The following CHRM3 variants were observed in gnomAD, a reference collection of about 807,000 sequenced individuals.
The protein encoded by CHRM3 is muscarinic acetylcholine receptor M3.
In CHRM3, 11 loss-of-function variants were observed where a neutral mutation model predicts 41.8. The ratio of observed to expected loss-of-function variants is 0.26; its 90% confidence interval spans 0.17 to 0.44. CHRM3 has a LOEUF of 0.44. Ranked by LOEUF, CHRM3 falls within the 20% of genes least tolerant of loss-of-function variation. The pLI is 1.00. For missense variants in CHRM3, 571 were observed against 745.4 expected, an observed-to-expected ratio of 0.77 and a Z score of 2.72; for synonymous variants, 297 against 301.4, an observed-to-expected ratio of 0.99 and a Z score of 0.15.
intron 4 of CHRM3, among the ~76,000 whole-genome samples, chr1:239,677,125 T>C (rs939784141): frequency 5.3e-5 from 8 of 152,154 alleles, no homozygotes; most frequent in Non-Finnish European, 8.8e-5. Flanking sequence ...GTCACCCTCT[T>C]ACCTAACTCT....
intron 5 of CHRM3, among the ~76,000 whole-genome samples, chr1:239,713,007 C>T (rs1661966136): frequency 6.6e-6 from 1 of 152,136 alleles, no homozygotes; most frequent in South Asian, 2.1e-4. Flanking sequence ...GACACAGGGC[C>T]AGAAGCCAGC....
Position 239,603,077 on chromosome 1 carries a change from C to T in CHRM3, c.-312-29147C>T, listed in dbSNP as rs189608535. On this transcript the variant is annotated intron_variant, in intron 3 of 6. Transcript: ENST00000676153. ...CTTTCTGTTTCTAAGAGTTCAACTG[C>T]TCTAGATACTTCATATAAGTGGAAT... Among the ~76,000 whole-genome samples, 686 of 137,224 alleles carry T rather than the reference C, an allele frequency of 5.0e-3. 4 individuals carry two copies. The highest frequency in any genetic ancestry group is 0.038 in the Middle Eastern group (10 of 262). 90.0% of individuals were successfully genotyped at this position (137,224 alleles called of 152,430 possible).
At chr1:239,711,205 A>C (rs1032668475) in intron 5 of CHRM3, among the ~76,000 whole-genome samples, 3 of 152,108 alleles carry the variant, frequency 2.0e-5, no homozygotes, top group African/African-American at 7.2e-5. Context: ...TTTTGGGGTC[A>C]TGCATGGATT....
At chr1:239,615,568 C>G (rs1572938686) in intron 3 of CHRM3, among the ~76,000 whole-genome samples, 1 of 152,252 alleles carries the variant, frequency 6.6e-6, no homozygotes, top group East Asian at 1.9e-4. Flanking sequence ...AACTATACAA[C>G]TTTGATAGAT....
intron 3 of CHRM3, among the ~76,000 whole-genome samples, chr1:239,574,013 G>A (rs1662091076): frequency 6.6e-6 from 1 of 152,060 alleles, no homozygotes; most frequent in Non-Finnish European, 1.5e-5. Context: ...TCTTTGCCCT[G>A]TACAAGGATG....
At chr1:239,413,945 G>C (rs1338461945) in intron 1 of CHRM3, among the ~76,000 whole-genome samples, 1 of 152,298 alleles carries the variant, frequency 6.6e-6, no homozygotes, top group African/African-American at 2.4e-5. Context: ...TAAATCATTT[G>C]TAAGATATCG....
At chr1:239,526,101 A>G (rs1023060922) in intron 2 of CHRM3, among the ~76,000 whole-genome samples, 2 of 152,170 alleles carry the variant, frequency 1.3e-5, no homozygotes, top group Non-Finnish European at 2.9e-5. Flanking sequence ...ATATGGGGCA[A>G]TCGGAATTAA....
chr1:239,866,087 G>A (rs1317322049), intron 6 of CHRM3, among the ~76,000 whole-genome samples: 1 of 152,108 alleles, frequency 6.6e-6, no homozygotes, highest in African/African-American at 2.4e-5. Context: ...TGATTAAAAA[G>A]CTTGCCCAGG....
intron 6 of CHRM3, among the ~76,000 whole-genome samples, chr1:239,839,971 T>C (rs542266416): frequency 3.9e-5 from 6 of 152,288 alleles, no homozygotes; most frequent in Non-Finnish European, 7.4e-5. Context: ...CAGGCCTCAG[T>C]TGTTGAGTTG....
At chr1:239,789,946 C>G (rs190730620) in intron 5 of CHRM3, among the ~76,000 whole-genome samples, 223 of 152,262 alleles carry the variant, frequency 1.5e-3, no homozygotes, top group Non-Finnish European at 2.4e-3. Context: ...GAAAGGAGAT[C>G]ATTTTGGAGC....
intron 3 of CHRM3, among the ~76,000 whole-genome samples, chr1:239,553,798 A>G (rs1660090357): frequency 6.6e-6 from 1 of 152,184 alleles, no homozygotes; most frequent in African/African-American, 2.4e-5. Context: ...CCCTTTAGAT[A>G]TCCCCTCAAC....
chr1:239,838,539 G>T (rs1022628210), intron 6 of CHRM3, among the ~76,000 whole-genome samples: 2 of 152,140 alleles, frequency 1.3e-5, no homozygotes, highest in African/African-American at 4.8e-5. Flanking sequence ...GCCATATTTT[G>T]TGTGCAAATG....
chr1:239,777,938 T>C (rs184157257), intron 5 of CHRM3, among the ~76,000 whole-genome samples: 1 of 152,010 alleles, frequency 6.6e-6, no homozygotes. Context: ...TATAATGGAC[T>C]ATGGGGACTC....
In CHRM3 at chr1:239,912,532, C is replaced by T. The variant is rs556853766; in HGVS notation, c.*3308C>T. The T allele has an allele frequency of 1.2e-5, 2 of 167,206 alleles. No individual in the cohort carries two copies. Among genetic ancestry groups the T allele is most frequent in the African/African-American group, 4.8e-5 (2 of 41,570 alleles). 10.4% of individuals were successfully genotyped at this position (167,206 alleles called of 1,614,324 possible). ...TCTGTCAGGCTTCCTACGTTGCCCTCGTGCAGGGCTCATTGCTCTGCAGAG... is the reference window on the plus strand; with the variant it reads ...TCTGTCAGGCTTCCTACGTTGCCCTTGTGCAGGGCTCATTGCTCTGCAGAG... On this transcript the variant is annotated 3_prime_UTR_variant, in exon 7 of 7. Transcript: ENST00000676153.
At chr1:239,575,116 G>C (rs1461131883) in intron 3 of CHRM3, among the ~76,000 whole-genome samples, 1 of 152,212 alleles carries the variant, frequency 6.6e-6, no homozygotes, top group Non-Finnish European at 1.5e-5. Flanking sequence ...ATAAGGATTA[G>C]AGGATTTAAA....
At chr1:239,843,416 T>TTC (rs1056205319) in intron 6 of CHRM3, among the ~76,000 whole-genome samples, 1 of 151,052 alleles carries the variant, frequency 6.6e-6, no homozygotes, top group African/African-American at 2.4e-5. Flanking sequence ...CTCAGTTGCA[T>TTC]TCTCTCTCTC....
intron 5 of CHRM3, among the ~76,000 whole-genome samples, chr1:239,737,980 G>C (rs553566696): frequency 6.6e-6 from 1 of 151,930 alleles, no homozygotes; most frequent in Admixed American, 6.6e-5. Flanking sequence ...TACCAACCTG[G>C]GAATGAGAAT....
chr1:239,880,161 A>G (rs748210129), intron 6 of CHRM3, among the ~76,000 whole-genome samples: 1 of 152,224 alleles, frequency 6.6e-6, no homozygotes, highest in Non-Finnish European at 1.5e-5. Context: ...GGGGGTAAGG[A>G]AAGTGTGGGA....
chr1:239,546,625 A>G (rs940494160), intron 3 of CHRM3: 3 of 152,172 alleles, frequency 2.0e-5, no homozygotes, highest in African/African-American at 7.2e-5. Context: ...AATTATGTTT[A>G]AATGATATAT....
Sources: allele counts gnomAD v4.1 joint callset (sites outside exome capture counted in the v4.1 genomes callset), GRCh38; gene constraint gnomAD v4.1.1; transcripts MANE v1.5; gene names NCBI Gene and HGNC (gene_info 2026-07-23, HGNC 2026-07-21).